The following WFDC9 variants were observed in gnomAD, a reference collection of about 807,000 sequenced individuals.
The protein encoded by WFDC9 is protein WFDC9.
WFDC9 carries 9 observed loss-of-function variants against 9.5 expected under a neutral mutation model. That is an observed-to-expected ratio of 0.95 (90% confidence interval 0.57 to 1.65). WFDC9 has a LOEUF of 1.65. WFDC9 is among the 40% of genes most tolerant of loss of function. WFDC9 has a pLI of 0.00. For synonymous variants in WFDC9, 33 were observed against 32.3 expected (o/e 1.02, Z -0.07); for missense variants, 87 against 106.7 (o/e 0.82, Z 0.81).
Position 45,610,241 on chromosome 20 carries a change from T to G in WFDC9, c.-58-2A>C, listed in dbSNP as rs1215083988. ...CAGAAGGCAAGTCTTTTCCCAATACTGCTAGACGTAGAAAATGGATTGAGG... is the reference window on the plus strand; with the variant it reads ...CAGAAGGCAAGTCTTTTCCCAATACGGCTAGACGTAGAAAATGGATTGAGG... On this transcript the variant is annotated splice_acceptor_variant, in intron 2 of 4. Transcript: ENST00000326000. LOFTEE classifies it low-confidence loss of function (5UTR_SPLICE). The G allele has an allele frequency of 7.0e-7, 1 of 1,429,872 alleles. No individual in the cohort carries two copies. The highest frequency in any genetic ancestry group is 9.8e-7 in the Non-Finnish European group (1 of 1,020,872). The allele number at this position is 1,429,872 out of a possible 1,614,324, so 88.6% of individuals were successfully genotyped here.
Position 45,610,215 on chromosome 20 carries a change from G to T in WFDC9, c.-34C>A, listed in dbSNP as rs1420230742. 6.3e-7 allele frequency: 1 copy of T among 1,592,904 alleles called. No individual in the cohort carries two copies. The highest frequency in any genetic ancestry group is 1.3e-5 in the African/African-American group (1 of 74,512). Reference sequence around the variant, plus strand: ...CTGTGTGTATTTGGGTTAAGTTCTGGCAGAAGGCAAGTCTTTTCCCAATAC... The same window carrying T: ...CTGTGTGTATTTGGGTTAAGTTCTGTCAGAAGGCAAGTCTTTTCCCAATAC... On this transcript the variant is annotated 5_prime_UTR_variant, in exon 3 of 5. Transcript: ENST00000326000.
intron 3 of WFDC9, among the ~76,000 whole-genome samples, chr20:45,609,339 G>A (rs2145594145): frequency 6.6e-6 from 1 of 152,064 alleles, no homozygotes; most frequent in South Asian, 2.1e-4. Context: ...GAGTAGCTGG[G>A]ATTACAGGAG....
rs1417334169 is a variant in WFDC9 at position 45,614,657 on chromosome 20, A to G, written c.-88T>C. 1.3e-5 allele frequency: 2 copies of G among 152,230 alleles called. No individual in the cohort carries two copies. The highest frequency in any genetic ancestry group is 4.8e-5 in the African/African-American group (2 of 41,460). 9.4% of individuals were successfully genotyped at this position (152,230 alleles called of 1,614,324 possible). On this transcript the variant is annotated 5_prime_UTR_variant, in exon 2 of 5. Coordinates refer to ENST00000326000, the MANE Select transcript of WFDC9 (RefSeq NM_147198.4). ...GAAGGTGTCTGCATTGAGTGTCTGT[A>G]GTAACTGGCTGACAGCTCTTTTGTC...
chr20:45,615,842 C>T (rs1240091774), intron 1 of WFDC9, among the ~76,000 whole-genome samples: 3 of 152,124 alleles, frequency 2.0e-5, no homozygotes, highest in Non-Finnish European at 2.9e-5. Context: ...TGTAGTCTGT[C>T]AAGTGTTCAA....
chr20:45,608,513 G>A (rs1600915397), intron 4 of WFDC9, 150 bp downstream of exon 4: 2 of 942,902 alleles, frequency 2.1e-6, no homozygotes, highest in East Asian at 5.0e-5. Context: ...TTGCAGTGAG[G>A]AGCAGCCTAG....
chr20:45,617,598 G>A (rs1383553731), intron 1 of WFDC9, among the ~76,000 whole-genome samples: 5 of 152,094 alleles, frequency 3.3e-5, no homozygotes, highest in East Asian at 1.9e-4. Context: ...CGCTCCAAGC[G>A]ATCCTCCTTC....
intron 4 of WFDC9, 71 bp downstream of exon 4, chr20:45,608,592 T>C: frequency 6.5e-7 from 1 of 1,530,820 alleles, no homozygotes. Flanking sequence ...GGCTGCGGTC[T>C]TTTGAATAGT....
At chr20:45,608,603 C>A (rs192707246) in intron 4 of WFDC9, 60 bp downstream of exon 4, 6 of 1,546,056 alleles carry the variant, frequency 3.9e-6, no homozygotes, top group African/African-American at 1.4e-5. Flanking sequence ...TTTGAATAGT[C>A]GGTAAGGACC....
chr20:45,614,694 TATG>T lies in WFDC9; in HGVS notation c.-128_-126del, dbSNP rs1981935876. 1 of 152,162 alleles carries T rather than the reference TATG, an allele frequency of 6.6e-6. No individual in the cohort carries two copies. The highest frequency in any genetic ancestry group is 2.4e-5 in the African/African-American group (1 of 41,428). The allele number at this position is 152,162 out of a possible 1,614,324, so 9.4% of individuals were successfully genotyped here. On this transcript the variant is annotated 5_prime_UTR_variant, in exon 2 of 5. It introduces an in-frame stop codon into an upstream open reading frame of the 5' UTR. Transcript: ENST00000326000. ...ACAGCTCTTTTGTCTGGCCTTTTAT[TATG>T]AAGTTGTTTGAAGTGGGGCTCGAAC...
At chr20:45,627,573 C>A (rs1982248458) in intron 1 of WFDC9, among the ~76,000 whole-genome samples, 1 of 152,006 alleles carries the variant, frequency 6.6e-6, no homozygotes, top group Non-Finnish European at 1.5e-5. Context: ...AAGAATTTAT[C>A]CATTTCCTCT....
chr20:45,618,346 C>T (rs962551065), intron 1 of WFDC9, among the ~76,000 whole-genome samples: 1 of 152,214 alleles, frequency 6.6e-6, no homozygotes, highest in Non-Finnish European at 1.5e-5. Flanking sequence ...GCTTTCTTAT[C>T]GTTCCTGTGT....
chr20:45,629,972 C>T, intron 1 of WFDC9: 1 of 1,576,762 alleles, frequency 6.3e-7, no homozygotes, highest in South Asian at 1.2e-5. Context: ...TGTGTCCAGT[C>T]TGAGTAGGAC....
At position 45,610,248 on chromosome 20, in the gene WFDC9, C is replaced by T. The variant is rs780239119; in HGVS notation, c.-58-9G>A. 7.6e-5 allele frequency: 105 copies of T among 1,375,350 alleles called. 1 individual carries two copies. The highest frequency in any genetic ancestry group is 4.3e-4 in the South Asian group (35 of 82,178). 85.2% of individuals were successfully genotyped at this position (1,375,350 alleles called of 1,614,324 possible). ...CAAGTCTTTTCCCAATACTGCTAGACGTAGAAAATGGATTGAGGAGAACAG... is the reference window on the plus strand; with the variant it reads ...CAAGTCTTTTCCCAATACTGCTAGATGTAGAAAATGGATTGAGGAGAACAG... On this transcript the variant is annotated splice_polypyrimidine_tract_variant and intron_variant, in intron 2 of 4. Coordinates refer to ENST00000326000, the MANE Select transcript of WFDC9 (RefSeq NM_147198.4).
chr20:45,625,203 T>C (rs1600923531), intron 1 of WFDC9, among the ~76,000 whole-genome samples: 1 of 152,114 alleles, frequency 6.6e-6, no homozygotes, highest in East Asian at 1.9e-4. Flanking sequence ...CAGGGGAAAC[T>C]GCACCTTTTA....
intron 1 of WFDC9, among the ~76,000 whole-genome samples, chr20:45,624,273 T>A (rs1202282217): frequency 6.6e-6 from 1 of 152,200 alleles, no homozygotes; most frequent in African/African-American, 2.4e-5. Flanking sequence ...ACTTTTTACT[T>A]CCATGAGGTC....
At chr20:45,621,085 T>C (rs1431240345) in intron 1 of WFDC9, among the ~76,000 whole-genome samples, 1 of 152,208 alleles carries the variant, frequency 6.6e-6, no homozygotes, top group Non-Finnish European at 1.5e-5. Flanking sequence ...CAGACATCTA[T>C]TGGATGAATG....
At chr20:45,630,663 T>G (rs1027998267) in intron 1 of WFDC9, among the ~76,000 whole-genome samples, 4 of 151,984 alleles carry the variant, frequency 2.6e-5, no homozygotes, top group Non-Finnish European at 5.9e-5. Flanking sequence ...TGTGGTCTAA[T>G]GGGGTAAGGT....
intron 1 of WFDC9, among the ~76,000 whole-genome samples, chr20:45,621,347 CA>C (rs1237728853): frequency 2.0e-5 from 3 of 152,124 alleles, no homozygotes; most frequent in Non-Finnish European, 4.4e-5. Context: ...CTCTTCCTTC[CA>C]CTTTCTTCTT....
At chr20:45,615,991 G>A (rs1425156210) in intron 1 of WFDC9, among the ~76,000 whole-genome samples, 1 of 152,202 alleles carries the variant, frequency 6.6e-6, no homozygotes, top group African/African-American at 2.4e-5. Flanking sequence ...GTTGATGGTT[G>A]TTGACTGATC....
Sources: allele counts gnomAD v4.1 joint callset (sites outside exome capture counted in the v4.1 genomes callset), GRCh38; gene constraint gnomAD v4.1.1; transcripts MANE v1.5; gene names NCBI Gene and HGNC (gene_info 2026-07-23, HGNC 2026-07-21).